SACS: variants seen among roughly 807,000 people sequenced by gnomAD.
SACS encodes the protein sacsin molecular chaperone.
In SACS, 197 loss-of-function variants were observed where a neutral mutation model predicts 348.0. That is an observed-to-expected ratio of 0.57 (90% CI 0.50 to 0.64). The LOEUF (loss-of-function observed/expected upper bound fraction) is 0.64, where lower values mean the gene tolerates loss of function less well. Among genes scored for constraint, SACS ranks in the 30% least tolerant of loss-of-function variants. The probability of loss-of-function intolerance (pLI) is 0.00; values close to 1 mark genes in which losing one functional copy is unlikely to be tolerated. For synonymous variants in SACS, 1,985 were observed against 1,910.6 expected, an observed-to-expected ratio of 1.04 and a Z score of -1.02; for missense variants, 4,999 against 5,360.8, an observed-to-expected ratio of 0.93 and a Z score of 2.11.
At chr13:23,368,853 C>T (rs1386833176) in intron 4 of SACS, among the ~76,000 whole-genome samples, 3 of 152,110 alleles carry the variant, frequency 2.0e-5, no homozygotes, top group Non-Finnish European at 4.4e-5. Flanking sequence ...TGCCCACCAC[C>T]ATGCCCAGCT....
chr13:23,410,246 A>C (rs901225185), intron 2 of SACS, among the ~76,000 whole-genome samples: 1 of 152,212 alleles, frequency 6.6e-6, no homozygotes, highest in Non-Finnish European at 1.5e-5. Context: ...ATAATACTAG[A>C]AATATGGAAA....
At chr13:23,403,245 A>G (rs1873061315) in intron 2 of SACS, among the ~76,000 whole-genome samples, 2 of 151,934 alleles carry the variant, frequency 1.3e-5, no homozygotes, top group African/African-American at 2.4e-5. Flanking sequence ...CGTCTCTGCC[A>G]GGTTTTGGTA....
rs531857935 is a variant in SACS, at chr13:23,368,854, A to G, written c.260-367T>C. Among the ~76,000 whole-genome samples, 135 of 152,178 alleles carry G rather than the reference A, an allele frequency of 8.9e-4. 1 individual carries two copies. The highest frequency in any genetic ancestry group is 3.1e-3 in the African/African-American group (129 of 41,510). On this transcript the variant is annotated intron_variant, in intron 4 of 9. Coordinates refer to ENST00000382292, the MANE Select transcript of SACS (RefSeq NM_014363.6). Reference sequence around the variant, plus strand: ...GCTGGGACTACAGGTGCCCACCACCATGCCCAGCTAATTTTTTTGTATTTT... The same window carrying G: ...GCTGGGACTACAGGTGCCCACCACCGTGCCCAGCTAATTTTTTTGTATTTT...
chr13:23,353,645 T>C (rs1870115372), intron 9 of SACS, 140 bp downstream of exon 9: 1 of 607,106 alleles, frequency 1.6e-6, no homozygotes, highest in Non-Finnish European at 2.9e-6. Flanking sequence ...GCAACTGAAA[T>C]ATCTTAAAAC....
intron 2 of SACS, 76 bp downstream of exon 2, chr13:23,411,123 CTTTCATTTGTTTTTGCCTATG>C (rs1462304336): frequency 2.1e-4 from 218 of 1,014,786 alleles, no homozygotes; most frequent in Non-Finnish European, 3.1e-4. Context: ...CTCTCGAGTG[CTTTCATTTGTTTTTGCCTATG>C]TTTCATTTGG....
intron 1 of SACS, among the ~76,000 whole-genome samples, chr13:23,415,999 G>T (rs1048433918): frequency 1.3e-5 from 2 of 152,146 alleles, no homozygotes; most frequent in East Asian, 3.9e-4. Context: ...TAGGAAAAAG[G>T]CCGGGCGTGG....
chr13:23,386,914 T>TA (rs1285438812), intron 2 of SACS, among the ~76,000 whole-genome samples: 2 of 152,102 alleles, frequency 1.3e-5, no homozygotes, highest in East Asian at 3.8e-4. Context: ...TGAGAGAACA[T>TA]ACCGTTTATC....
intron 9 of SACS, chr13:23,346,773 A>C (rs1213111242): frequency 1.0e-6 from 1 of 966,378 alleles, no homozygotes; most frequent in South Asian, 4.8e-5. Flanking sequence ...GAACAAAAAC[A>C]TCAGGCTTCA....
At chr13:23,372,565 A>G (rs1871460107) in intron 3 of SACS, among the ~76,000 whole-genome samples, 1 of 152,178 alleles carries the variant, frequency 6.6e-6, no homozygotes, top group Non-Finnish European at 1.5e-5. Flanking sequence ...TACATGAATT[A>G]ATTTGGCAAC....
intron 4 of SACS, among the ~76,000 whole-genome samples, chr13:23,368,904 T>C (rs1423512316): frequency 6.6e-6 from 1 of 152,106 alleles, no homozygotes; most frequent in African/African-American, 2.4e-5. Flanking sequence ...TTTCACCATG[T>C]TAGCCAGGAT....
chr13:23,377,754 C>T (rs1871873278), intron 2 of SACS, among the ~76,000 whole-genome samples: 1 of 152,160 alleles, frequency 6.6e-6, no homozygotes, highest in African/African-American at 2.4e-5. Context: ...ATTAGTGCTG[C>T]GAGACTCCCG....
At chr13:23,347,780 G>A (rs991920504) in intron 9 of SACS, among the ~76,000 whole-genome samples, 9 of 152,308 alleles carry the variant, frequency 5.9e-5, no homozygotes, top group Admixed American at 4.6e-4. Context: ...GTGAATGGAG[G>A]AGTTGGCAAG....
At chr13:23,424,701 C>T (rs1874097242) in intron 1 of SACS, among the ~76,000 whole-genome samples, 1 of 152,056 alleles carries the variant, frequency 6.6e-6, no homozygotes, top group Non-Finnish European at 1.5e-5. Flanking sequence ...TGTAGAATCT[C>T]AGATATGACA....
Position 23,339,079 on chromosome 13 carries a change from C to G in SACS, c.4797G>C (p.Gly1599=). The part of the protein sequence containing the change: ...SKHIKDKSNP[G]IKINWSKQQK... ...GTTGTTTACTCCAATTAATTTTGAT[C>G]CCAGGATTGGATTTGTCTTTAATGT... is the stretch of plus-strand genomic sequence containing the variant. The change falls in exon 10 of 10, where the codon GGG becomes GGC. Residue 1599 remains glycine, a synonymous_variant. Transcript: ENST00000382292. The G allele has an allele frequency of 1.2e-6, 2 of 1,611,702 alleles. No individual in the cohort carries two copies. Among genetic ancestry groups the G allele is most frequent in the Non-Finnish European group, 1.7e-6 (2 of 1,178,978 alleles).
intron 1 of SACS, among the ~76,000 whole-genome samples, chr13:23,417,508 A>G (rs1424420356): frequency 6.6e-6 from 1 of 152,212 alleles, no homozygotes; most frequent in Admixed American, 6.5e-5. Flanking sequence ...GAGAGGTATC[A>G]GCAGGGTTTA....
intron 1 of SACS, among the ~76,000 whole-genome samples, chr13:23,415,776 T>C (rs901680736): frequency 6.6e-6 from 1 of 152,106 alleles, no homozygotes; most frequent in Admixed American, 6.6e-5. Context: ...GTACCACAAA[T>C]AGAGAATAAC....
At chr13:23,427,788 T>A (rs9507093) in intron 1 of SACS, 23,887 of 152,138 alleles carry the variant, frequency 0.16, 2,300 homozygotes, top group East Asian at 0.44. Flanking sequence ...GGGATAAAGC[T>A]GCTTCCCAGA....
intron 1 of SACS, among the ~76,000 whole-genome samples, chr13:23,413,134 C>T (rs930960871): frequency 2.6e-5 from 4 of 152,204 alleles, no homozygotes; most frequent in African/African-American, 4.8e-5. Flanking sequence ...AGCACCACCA[C>T]GCCCAGCTAA....
Position 23,341,407 on chromosome 13 carries a change from T to C in SACS, c.2469A>G (p.Pro823=), listed in dbSNP as rs145020481. The C allele has an allele frequency of 1.2e-6, 2 of 1,612,124 alleles. No homozygotes were observed. The highest frequency in any genetic ancestry group is 1.7e-5 in the Admixed American group (1 of 59,872). Residue 823 remains proline, a synonymous_variant, in exon 10 of 10, where the codon CCA becomes CCG. Transcript: ENST00000382292. ...ATTCATCGTCTAAAATGACTAACGATGGAATCCTGAGTCTAATGAGTTCCA... is the reference window on the plus strand; with the variant it reads ...ATTCATCGTCTAAAATGACTAACGACGGAATCCTGAGTCTAATGAGTTCCA... ...TCVELIRLRI[P]SLVILDDESE...
Sources: gnomAD v4.1 joint callset for allele counts (sites outside exome capture counted in the v4.1 genomes callset) on GRCh38, gnomAD v4.1.1 for gene constraint, MANE v1.5 for transcripts, NCBI Gene and HGNC (gene_info 2026-07-23, HGNC 2026-07-21) for gene names.